Variants in RBM47 observed in about 807,000 individuals in gnomAD.
The protein encoded by RBM47 is RNA binding motif protein 47.
A neutral mutation model predicts 47.1 loss-of-function variants in RBM47; 21 were observed. The ratio of observed to expected loss-of-function variants is 0.45; its 90% CI spans 0.32 to 0.64. The LOEUF (loss-of-function observed/expected upper bound fraction) is 0.64. Ranked by LOEUF, RBM47 falls within the 30% of genes least tolerant of loss-of-function variation. The pLI is 0.05. For synonymous variants in RBM47, 375 were observed against 361.7 expected, an observed-to-expected ratio of 1.04 and a Z score of -0.42; for missense variants, 708 against 870.9, an observed-to-expected ratio of 0.81 and a Z score of 2.35.
chr4:40,525,399 G>C (rs1184786254), intron 2 of RBM47, among the ~76,000 whole-genome samples: 1 of 152,196 alleles, frequency 6.6e-6, no homozygotes, highest in African/African-American at 2.4e-5. Flanking sequence ...CAGGGTTGCA[G>C]ATCACAGAGT....
intron 2 of RBM47, among the ~76,000 whole-genome samples, 180 bp from the exon 3 acceptor site, chr4:40,466,879 C>A (rs1718134637): frequency 6.7e-6 from 1 of 149,110 alleles, no homozygotes; most frequent in African/African-American, 2.5e-5. Flanking sequence ...TTATCATGTT[C>A]TCTATAAACC....
intron 1 of RBM47, among the ~76,000 whole-genome samples, chr4:40,580,014 T>G (rs1019427059): frequency 1.9e-4 from 29 of 152,136 alleles, no homozygotes; most frequent in African/African-American, 7.0e-4. Context: ...TGCCTTGACC[T>G]CCCAAAGTGC....
In RBM47 at chr4:40,604,248, G is replaced by A. The variant is rs554087067; in HGVS notation, c.-240+25148C>T. On this transcript the variant is annotated intron_variant, in intron 1 of 6. Transcript: ENST00000295971. ...TGGAGGGATCCAGAAGATCTGAGAT[G>A]CTTTAAGAGAAGTTATTTGAGCTGG... Among the ~76,000 whole-genome samples, 17 of 152,300 alleles carry A rather than the reference G, an allele frequency of 1.1e-4. No homozygotes were observed. In the East Asian group the frequency reaches 3.3e-3, roughly 29 times the overall value.
Position 40,437,852 on chromosome 4 carries a change from A to C in RBM47, c.1042T>G (p.Ser348Ala). The change falls in exon 4 of 7, where the codon TCC becomes GCC. Residue 348 changes from serine (S) to alanine (A), a missense_variant. By Grantham distance (99) the Ser-to-Ala change is moderately conservative. Coordinates refer to ENST00000295971, the MANE Select transcript of RBM47 (RefSeq NM_001098634.2). ...TAGGCCAGTGTGTAGGGGTCGCAGG[A>C]GTACACGTAGCTGGGCTGCTGCGCT... ...EAAQQPSYVY[S>A]CDPYTLAYYG... 6.2e-7 allele frequency: 1 copy of C among 1,614,048 alleles called. No individual in the cohort carries two copies. The highest frequency in any genetic ancestry group is 8.5e-7 in the Non-Finnish European group (1 of 1,180,002).
intron 1 of RBM47, among the ~76,000 whole-genome samples, chr4:40,555,001 T>C (rs1366304491): frequency 6.6e-6 from 1 of 152,206 alleles, no homozygotes; most frequent in East Asian, 1.9e-4. Flanking sequence ...AATGGCGCGA[T>C]CTCGGCTCAC....
intron 1 of RBM47, among the ~76,000 whole-genome samples, chr4:40,589,646 C>T (rs1005645687): frequency 6.6e-6 from 1 of 152,200 alleles, no homozygotes; most frequent in African/African-American, 2.4e-5. Context: ...ACCATGTTGG[C>T]TAGGCTGGTC....
chr4:40,502,485 G>T (rs1723504305), intron 2 of RBM47, among the ~76,000 whole-genome samples: 1 of 152,168 alleles, frequency 6.6e-6, no homozygotes, highest in African/African-American at 2.4e-5. Context: ...GGGGTGAGAA[G>T]AGGTGAGGAA....
chr4:40,450,857 A>G (rs1292895704), intron 3 of RBM47, among the ~76,000 whole-genome samples: 1 of 152,170 alleles, frequency 6.6e-6, no homozygotes, highest in East Asian at 1.9e-4. Flanking sequence ...ATGTCTCCAG[A>G]CATTGCAAAT....
At chr4:40,463,983 T>C (rs1717569540) in intron 3 of RBM47, among the ~76,000 whole-genome samples, 1 of 152,150 alleles carries the variant, frequency 6.6e-6, no homozygotes, top group Non-Finnish European at 1.5e-5. Flanking sequence ...ACAGTGTTCA[T>C]TAGTCAATTC....
chr4:40,603,832 G>A (rs533199509), intron 1 of RBM47, among the ~76,000 whole-genome samples: 2 of 152,218 alleles, frequency 1.3e-5, no homozygotes, highest in African/African-American at 4.8e-5. Flanking sequence ...GAGCTCCTGA[G>A]CTCAAGTAAT....
intron 1 of RBM47, among the ~76,000 whole-genome samples, chr4:40,591,929 G>A (rs539979660): frequency 1.3e-5 from 2 of 152,268 alleles, no homozygotes; most frequent in East Asian, 3.9e-4. Context: ...TGTGAAAATG[G>A]AACCTCTCAA....
At chr4:40,529,540 A>AAAAAAAAAAAC (rs1727151714) in intron 2 of RBM47, among the ~76,000 whole-genome samples, 1 of 148,126 alleles carries the variant, frequency 6.8e-6, no homozygotes, top group African/African-American at 2.5e-5. Context: ...AAAAAAAAAA[A>AAAAAAAAAAAC]AAAGCATCTA....
chr4:40,608,924 AC>A (rs1375643924), intron 1 of RBM47, among the ~76,000 whole-genome samples: 2 of 152,110 alleles, frequency 1.3e-5, no homozygotes, highest in African/African-American at 4.8e-5. Context: ...ATTTGGAAAA[AC>A]GAGATGACAC....
At chr4:40,543,738 A>C (rs964204571) in intron 2 of RBM47, 2 of 152,190 alleles carry the variant, frequency 1.3e-5, no homozygotes, top group African/African-American at 4.8e-5. Context: ...CAGAGGTTGC[A>C]GTGAGCCGAG....
chr4:40,511,413 C>A (rs776825632), intron 2 of RBM47, among the ~76,000 whole-genome samples: 10 of 152,316 alleles, frequency 6.6e-5, no homozygotes, highest in Middle Eastern at 3.4e-3. Context: ...AGATAACAAA[C>A]AAGAACGCTT....
chr4:40,619,641 G>A (rs1039301485), intron 1 of RBM47, among the ~76,000 whole-genome samples: 2 of 151,984 alleles, frequency 1.3e-5, no homozygotes, highest in African/African-American at 2.4e-5. Flanking sequence ...CTTCATGAAC[G>A]CTACTCCATC....
intron 1 of RBM47, among the ~76,000 whole-genome samples, chr4:40,552,349 G>C (rs1729641832): frequency 6.6e-6 from 1 of 151,992 alleles, no homozygotes; most frequent in Non-Finnish European, 1.5e-5. Context: ...AGTGAGCTGA[G>C]ATCCCGCCAC....
Position 40,426,125 on chromosome 4 carries a change from C to G in RBM47, c.1561G>C (p.Val521Leu), listed in dbSNP as rs760007961. 6.2e-7 allele frequency: 1 copy of G among 1,614,132 alleles called. No individual in the cohort carries two copies. Residue 521 changes from valine to leucine, a missense_variant, in exon 7 of 7, where the codon GTA becomes CTA. Physicochemically the swap from Val to Leu is conservative, Grantham distance 32 (BLOSUM62 1). Coordinates refer to ENST00000295971, the MANE Select transcript of RBM47 (RefSeq NM_001098634.2). ...TGAACGTTTGGAGCCACCGTGTATA[C>G]TGGAGTTATTGGGCGGCCCTGAGGA... ...PPFQGRPITP[V>L]YTVAPNVQRI...
Position 40,432,680 on chromosome 4 carries a change from G to A in RBM47, c.1513C>T (p.Pro505Ser). The A allele has an allele frequency of 6.2e-7, 1 of 1,610,718 alleles. No homozygotes were observed. Among genetic ancestry groups the A allele is most frequent in the East Asian group, 2.2e-5 (1 of 44,844 alleles). ...AAAGGTGGTGGCGTCGACACAGTGGGAATGACAGCGGCTGCGGCGGCTGCG... is the reference window on the plus strand; with the variant it reads ...AAAGGTGGTGGCGTCGACACAGTGGAAATGACAGCGGCTGCGGCGGCTGCG... ...AAAAAAAAVI[P>S]TVSTPPPFQG... Residue 505 changes from proline (P) to serine (S), a missense_variant, in exon 6 of 7, where the codon CCC becomes TCC. Pro to Ser is a moderately conservative substitution (Grantham distance 74, BLOSUM62 -1). Coordinates refer to ENST00000295971, the MANE Select transcript of RBM47 (RefSeq NM_001098634.2).
Sources: gnomAD v4.1 joint callset for allele counts (sites outside exome capture counted in the v4.1 genomes callset) on GRCh38, gnomAD v4.1.1 for gene constraint, MANE v1.5 for transcripts, NCBI Gene and HGNC (gene_info 2026-07-23, HGNC 2026-07-21) for gene names.